The following PTK7 variants were observed in gnomAD, a reference collection of about 807,000 sequenced individuals.
PTK7 encodes the protein protein tyrosine kinase 7 (inactive).
A neutral mutation model predicts 116.6 loss-of-function variants in PTK7; 39 were observed. That is an observed-to-expected ratio of 0.33 (90% CI 0.26 to 0.44). The LOEUF is 0.44. PTK7 is among the 20% of genes least tolerant of loss of function. The pLI is 1.00. For missense variants in PTK7, 1,169 were observed against 1,425.6 expected, an observed-to-expected ratio of 0.82 and a Z score of 2.90; for synonymous variants, 546 against 563.6, an observed-to-expected ratio of 0.97 and a Z score of 0.44.
At chr6:43,080,031 G>A (rs568799079) in intron 1 of PTK7, among the ~76,000 whole-genome samples, 3 of 147,694 alleles carry the variant, frequency 2.0e-5, no homozygotes, top group East Asian at 4.0e-4. Context: ...ACTGCACTTC[G>A]GTCTGGGTGA....
chr6:43,076,718 C>A lies in PTK7; in HGVS notation c.79+151C>A. On this transcript the variant is annotated intron_variant, in intron 1 of 19. Transcript: ENST00000230419. The surrounding 1 kb of genome is among the most constrained non-coding windows in gnomAD (Gnocchi z 5.7). ...GGGGTGCAGGCTTGCGGCGGAAGGG[C>A]GCAAGGAGCCCGGGTGTCGGGAGGC... 2 of 1,376,904 alleles carry A rather than the reference C, an allele frequency of 1.5e-6. No homozygotes were observed. The highest frequency in any genetic ancestry group is 6.1e-5 in the Admixed American group (2 of 32,902). 85.3% of individuals were successfully genotyped at this position (1,376,904 alleles called of 1,614,324 possible).
At chr6:43,116,766 G>A (rs1449298632) in intron 1 of PTK7, among the ~76,000 whole-genome samples, 2 of 152,128 alleles carry the variant, frequency 1.3e-5, no homozygotes. Context: ...CTAGGGCTGG[G>A]TGCTGGGGCA....
chr6:43,143,430 G>A lies in PTK7; in HGVS notation c.2061G>A (p.Pro687=), dbSNP rs550799787. ...APLYVVDKPV[P]EESEGPGSPP... is the part of the protein sequence containing the mutation. The stretch of plus-strand genomic sequence containing the variant: ...TGTGTCTCTCAGACAAGCCTGTGCC[G>A]GAGGAGTCGGAGGGCCCTGGCAGCC... The change falls in exon 14 of 20, where the codon CCG becomes CCA. Residue 687 remains proline, a synonymous_variant. Transcript: ENST00000230419. The surrounding 1 kb of genome is among the most constrained non-coding windows in gnomAD (Gnocchi z 4.2). 3.5e-5 allele frequency: 57 copies of A among 1,613,904 alleles called. No individual in the cohort carries two copies. The highest frequency in any genetic ancestry group is 4.5e-5 in the East Asian group (2 of 44,870).
chr6:43,118,303 G>A (rs1768680121), intron 1 of PTK7, among the ~76,000 whole-genome samples: 1 of 151,932 alleles, frequency 6.6e-6, no homozygotes, highest in African/African-American at 2.4e-5. Flanking sequence ...TTGGGAGGCC[G>A]AGGTGGGTGG....
In PTK7 at chr6:43,130,224, C is replaced by T; in HGVS notation, c.471-6C>T. The T allele has an allele frequency of 1.9e-6, 3 of 1,567,190 alleles. No homozygotes were observed. The highest frequency in any genetic ancestry group is 2.6e-6 in the Non-Finnish European group (3 of 1,152,126). ...CCCACCACTGCTGACTGTGTCTGCC[C>T]TGCAGGCCCACCTACCAATGGTTCC... On this transcript the variant is annotated splice_polypyrimidine_tract_variant and splice_region_variant and intron_variant, in intron 3 of 19. Transcript: ENST00000230419.
chr6:43,111,164 A>G (rs1214090215), intron 1 of PTK7, among the ~76,000 whole-genome samples: 1 of 152,222 alleles, frequency 6.6e-6, no homozygotes, highest in African/African-American at 2.4e-5. Flanking sequence ...CCTATTAGGA[A>G]TGCAAGCAGA....
At chr6:43,109,184 A>C (rs1355578177) in intron 1 of PTK7, among the ~76,000 whole-genome samples, 1 of 152,136 alleles carries the variant, frequency 6.6e-6, no homozygotes, top group Non-Finnish European at 1.5e-5. Context: ...GAGCCTCTTC[A>C]AGCTGAGCCT....
At chr6:43,118,631 C>A in intron 1 of PTK7, among the ~76,000 whole-genome samples, 1 of 69,980 alleles carries the variant, frequency 1.4e-5, no homozygotes, top group African/African-American at 8.0e-5. Flanking sequence ...CTCTCTCTCT[C>A]TCTCTCTCTC....
chr6:43,110,880 T>C lies in PTK7; in HGVS notation c.80-18097T>C, dbSNP rs974102516. On this transcript the variant is annotated intron_variant, in intron 1 of 19. Transcript: ENST00000230419. ...ATTCTCCTTTAGATAGCATAGACTT[T>C]CCAGGCCTCTGTTGGCGGGGCCTCC... 2.6e-5 allele frequency among the ~76,000 whole-genome samples: 4 copies of C among 152,240 alleles called. No individual in the cohort carries two copies. In the East Asian group the frequency reaches 7.7e-4, roughly 29 times the overall value.
intron 1 of PTK7, among the ~76,000 whole-genome samples, chr6:43,114,250 A>ATC (rs1483480165): frequency 2.7e-5 from 4 of 150,878 alleles, no homozygotes; most frequent in Non-Finnish European, 5.9e-5. Context: ...ATGTTACTTG[A>ATC]TCTCTGTCTC....
intron 17 of PTK7, among the ~76,000 whole-genome samples, 195 bp from the exon 18 acceptor site, chr6:43,158,622 C>G (rs1476699222): frequency 6.6e-6 from 1 of 152,178 alleles, no homozygotes; most frequent in African/African-American, 2.4e-5. Context: ...TTGCTTAGTT[C>G]AGTCTTCTAA....
At chr6:43,147,444 C>T (rs184187071) in intron 17 of PTK7, among the ~76,000 whole-genome samples, 1 of 152,234 alleles carries the variant, frequency 6.6e-6, no homozygotes, top group Non-Finnish European at 1.5e-5. Context: ...TGCCTCCTCT[C>T]CCCTCTGAAA....
At chr6:43,118,925 C>T (rs965512713) in intron 1 of PTK7, among the ~76,000 whole-genome samples, 8 of 151,230 alleles carry the variant, frequency 5.3e-5, no homozygotes, top group African/African-American at 1.9e-4. Flanking sequence ...GGCGCCACCA[C>T]ATTTGGCTTA....
Position 43,139,356 on chromosome 6 carries a change from C to T in PTK7, c.1499-50C>T, listed in dbSNP as rs755412410. 6.2e-7 allele frequency: 1 copy of T among 1,613,998 alleles called. No homozygotes were observed. Among genetic ancestry groups the T allele is most frequent in the Non-Finnish European group, 8.5e-7 (1 of 1,179,860 alleles). ...GGAGCAGCAGGCCTGGCCACGGCCT[C>T]TCCAGCGGCCCCAATTCCTCGTCTT... is the stretch of plus-strand genomic sequence containing the variant. On this transcript the variant is annotated intron_variant, in intron 9 of 19. Transcript: ENST00000230419. This position sits in a 1 kb window ranked among gnomAD's most constrained non-coding sequence, Gnocchi z 4.6.
intron 1 of PTK7, among the ~76,000 whole-genome samples, chr6:43,102,710 AC>A (rs1416120571): frequency 2.0e-5 from 3 of 152,250 alleles, no homozygotes; most frequent in Admixed American, 2.0e-4. Flanking sequence ...GATTAAAAAA[AC>A]AAACATAGCC....
chr6:43,112,855 G>A (rs1768269085), intron 1 of PTK7, among the ~76,000 whole-genome samples: 1 of 152,122 alleles, frequency 6.6e-6, no homozygotes, highest in Non-Finnish European at 1.5e-5. Flanking sequence ...AAGAGATGGG[G>A]TCATGGTCTG....
At chr6:43,097,122 GCCT>G (rs1386228321) in intron 1 of PTK7, among the ~76,000 whole-genome samples, 1 of 152,186 alleles carries the variant, frequency 6.6e-6, no homozygotes, top group East Asian at 1.9e-4. Flanking sequence ...TCATTATTTA[GCCT>G]CCTCCTGCGC....
At chr6:43,131,933 T>C in intron 5 of PTK7, 83 bp from the exon 6 acceptor site, 2 of 1,571,686 alleles carry the variant, frequency 1.3e-6, no homozygotes, top group Non-Finnish European at 1.7e-6. Context: ...TTTCCGACTT[T>C]GCAGGAAAGG....
intron 17 of PTK7, among the ~76,000 whole-genome samples, chr6:43,153,180 G>A (rs547723190): frequency 7.3e-5 from 11 of 151,682 alleles, no homozygotes; most frequent in African/African-American, 2.4e-4. Flanking sequence ...GCATGATTTC[G>A]GCTCACTGCA....
Sources: allele counts gnomAD v4.1 joint callset (sites outside exome capture counted in the v4.1 genomes callset), GRCh38; gene constraint gnomAD v4.1.1; non-coding constraint Gnocchi (gnomAD v3.1); transcripts MANE v1.5; gene names NCBI Gene and HGNC (gene_info 2026-07-23, HGNC 2026-07-21).